LARP4B: variants seen among roughly 807,000 people sequenced by gnomAD.
LARP4B encodes the protein La ribonucleoprotein 4B.
A neutral mutation model predicts 89.8 loss-of-function variants in LARP4B; 12 were observed. That is an observed-to-expected ratio of 0.13 (90% CI 0.09 to 0.22). The LOEUF is 0.22. Among genes scored for constraint, LARP4B ranks in the 10% least tolerant of loss-of-function variants. The pLI, the probability that LARP4B is intolerant of heterozygous loss-of-function variation, is 1.00. For missense variants in LARP4B, 757 were observed against 947.7 expected, an observed-to-expected ratio of 0.80 and a Z score of 2.64; for synonymous variants, 367 against 363.3, an observed-to-expected ratio of 1.01 and a Z score of -0.12.
At chr10:911,576 T>G (rs555959162) in intron 1 of LARP4B, among the ~76,000 whole-genome samples, 1 of 152,328 alleles carries the variant, frequency 6.6e-6, no homozygotes, top group South Asian at 2.1e-4. Context: ...CCTTCCACAC[T>G]TCTACTCCTT....
chr10:815,640 C>T (rs775138263), intron 15 of LARP4B: 1 of 152,248 alleles, frequency 6.6e-6, no homozygotes, highest in Non-Finnish European at 1.5e-5. Flanking sequence ...AAGCAAAGGA[C>T]GGAGTGAAAC....
chr10:909,091 A>G (rs7070876), intron 1 of LARP4B, among the ~76,000 whole-genome samples: 21,368 of 151,908 alleles, frequency 0.14, 1,878 homozygotes, highest in Non-Finnish European at 0.21. Flanking sequence ...TCAGGAGATC[A>G]AGATCATCCT....
intron 1 of LARP4B, among the ~76,000 whole-genome samples, chr10:925,915 T>C (rs1262032370): frequency 6.6e-6 from 1 of 152,246 alleles, no homozygotes; most frequent in East Asian, 1.9e-4. Context: ...GAAAATACTT[T>C]ATGCGCTAAA....
chr10:937,025 A>G, the LARP4B span, among the ~76,000 whole-genome samples: 8 of 152,170 alleles, frequency 5.3e-5, no homozygotes, highest in Admixed American at 5.2e-4. Flanking sequence ...ATGCTGATTA[A>G]TATATGAAGA....
the LARP4B span, among the ~76,000 whole-genome samples, chr10:976,939 AG>A: frequency 6.6e-6 from 1 of 152,198 alleles, no homozygotes; most frequent in East Asian, 1.9e-4. Context: ...AGCCCGGCCT[AG>A]TAGAAGGTAG....
chr10:922,707 A>ATAAC (rs1179129341), intron 1 of LARP4B, among the ~76,000 whole-genome samples: 1 of 148,864 alleles, frequency 6.7e-6, no homozygotes, highest in Non-Finnish European at 1.5e-5. Context: ...AAATAAATAA[A>ATAAC]TAAATAAATA....
Position 863,745 on chromosome 10 carries a change from G to A in LARP4B, c.428C>T (p.Thr143Ile). ...ATGCACCCATAAGATATGTTTACCT[G>A]TCTCGCTATTTTCAGGCAGAGAGTC... The part of the protein sequence containing the change: ...EYDSLPENSE[T>I]GGNESQPDSQ... The change falls in exon 5 of 18, where the codon ACA (threonine) becomes ATA (isoleucine). Residue 143 changes from threonine to isoleucine, a missense_variant and splice_region_variant. This residue lies in a region of LARP4B where 54 missense variants were observed against 96.0 expected (regional missense o/e 0.56). Coordinates refer to ENST00000316157, the MANE Select transcript of LARP4B (RefSeq NM_015155.3). 6.2e-7 allele frequency: 1 copy of A among 1,604,146 alleles called. No homozygotes were observed.
intron 1 of LARP4B, among the ~76,000 whole-genome samples, chr10:890,883 A>G (rs980371286): frequency 6.6e-6 from 1 of 152,178 alleles, no homozygotes; most frequent in Non-Finnish European, 1.5e-5. Context: ...GTCATTAAAC[A>G]TCAATTCCCA....
chr10:876,392 A>C (rs1464519233), intron 3 of LARP4B, among the ~76,000 whole-genome samples: 1 of 152,182 alleles, frequency 6.6e-6, no homozygotes, highest in Non-Finnish European at 1.5e-5. Flanking sequence ...TCTCAGAAAA[A>C]AGAAAAGAAA....
At chr10:963,870 G>T in the LARP4B span, among the ~76,000 whole-genome samples, 102 of 152,176 alleles carry the variant, frequency 6.7e-4, no homozygotes, top group Non-Finnish European at 1.9e-4. Context: ...TGGAGCCCTT[G>T]TGACTCAAAC....
intron 3 of LARP4B, among the ~76,000 whole-genome samples, chr10:865,128 T>C (rs1443234565): frequency 6.6e-6 from 1 of 152,318 alleles, no homozygotes; most frequent in East Asian, 1.9e-4. Context: ...TTCACAGAAC[T>C]ACCTGTTCCC....
the LARP4B span, among the ~76,000 whole-genome samples, chr10:968,896 T>C: frequency 6.6e-6 from 1 of 152,258 alleles, no homozygotes; most frequent in African/African-American, 2.4e-5. Context: ...CACAGGATGC[T>C]GTGTCTGTGG....
chr10:888,358 A>G (rs1338117051), intron 1 of LARP4B, among the ~76,000 whole-genome samples: 1 of 151,840 alleles, frequency 6.6e-6, no homozygotes, highest in Non-Finnish European at 1.5e-5. Flanking sequence ...AAACACACAC[A>G]CACACACAAA....
At chr10:918,671 A>G (rs921210377) in intron 1 of LARP4B, among the ~76,000 whole-genome samples, 4 of 151,178 alleles carry the variant, frequency 2.6e-5, no homozygotes, top group South Asian at 4.2e-4. Context: ...CAGGCAAACT[A>G]TAAGAATCAG....
intron 6 of LARP4B, 107 bp downstream of exon 6, chr10:844,870 T>A (rs541074140): frequency 2.5e-5 from 18 of 734,588 alleles, no homozygotes; most frequent in African/African-American, 2.0e-4. Context: ...TACATATATA[T>A]GGATATGAGT....
chr10:849,441 C>T (rs373242954), intron 5 of LARP4B, among the ~76,000 whole-genome samples: 1 of 152,206 alleles, frequency 6.6e-6, no homozygotes, highest in Non-Finnish European at 1.5e-5. Context: ...TAAAGCAGTA[C>T]TGGATTATAA....
chr10:890,141 G>T (rs1022247715), intron 1 of LARP4B, among the ~76,000 whole-genome samples: 2 of 152,166 alleles, frequency 1.3e-5, no homozygotes, highest in Non-Finnish European at 2.9e-5. Context: ...CTTTAAAAGT[G>T]TAACTATTTT....
the LARP4B span, chr10:986,579 C>G: frequency 6.6e-6 from 1 of 152,202 alleles, no homozygotes; most frequent in East Asian, 1.9e-4. Flanking sequence ...TGCTTGGTAC[C>G]TTATCATTGT....
At chr10:974,865 A>G in the LARP4B span, among the ~76,000 whole-genome samples, 6 of 152,332 alleles carry the variant, frequency 3.9e-5, no homozygotes, top group East Asian at 5.8e-4. Flanking sequence ...TGTTGCACAG[A>G]CGCTCAAGCC....
Sources: allele counts gnomAD v4.1 joint callset (sites outside exome capture counted in the v4.1 genomes callset), GRCh38; gene constraint gnomAD v4.1.1; regional missense constraint gnomAD v4.1.1; transcripts MANE v1.5; gene names NCBI Gene and HGNC (gene_info 2026-07-23, HGNC 2026-07-21).